SLC24A2: variants seen among roughly 807,000 people sequenced by gnomAD.
SLC24A2 encodes the protein sodium/potassium/calcium exchanger 2.
A neutral mutation model predicts 62.0 loss-of-function variants in SLC24A2; 36 were observed. The ratio of observed to expected loss-of-function variants is 0.58; its 90% CI spans 0.44 to 0.77. The LOEUF (loss-of-function observed/expected upper bound fraction) is 0.77. Among genes scored for constraint, SLC24A2 ranks in the 30% least tolerant of loss-of-function variants. The pLI, the probability that SLC24A2 is intolerant of heterozygous loss-of-function variation, is 0.00. For missense variants in SLC24A2, 846 were observed against 817.9 expected (o/e 1.03, Z -0.42); for synonymous variants, 358 against 294.0 (o/e 1.22, Z -2.23).
At chr9:20,074,596 A>G in the SLC24A2 span, among the ~76,000 whole-genome samples, 1 of 85,772 alleles carries the variant, frequency 1.2e-5, no homozygotes, top group African/African-American at 4.9e-5. Context: ...GAAGGAAGGA[A>G]GGAAGGAAAG....
At chr9:19,528,882 C>G (rs1052430580) in intron 8 of SLC24A2, among the ~76,000 whole-genome samples, 1 of 152,288 alleles carries the variant, frequency 6.6e-6, no homozygotes, top group Admixed American at 6.5e-5. Context: ...ATGTTCAATT[C>G]TGCTTCTAGA....
the SLC24A2 span, among the ~76,000 whole-genome samples, chr9:20,270,297 C>G: frequency 6.6e-6 from 1 of 152,142 alleles, no homozygotes; most frequent in South Asian, 2.1e-4. Context: ...CATAGCACTG[C>G]CCTTCCATAT....
chr9:20,074,020 T>A, the SLC24A2 span, among the ~76,000 whole-genome samples: 7 of 151,380 alleles, frequency 4.6e-5, no homozygotes, highest in Admixed American at 4.6e-4. Context: ...AAAAACAAGT[T>A]GAGAAACTGA....
At chr9:19,689,452 T>C (rs1171604737) in intron 2 of SLC24A2, among the ~76,000 whole-genome samples, 1 of 152,164 alleles carries the variant, frequency 6.6e-6, no homozygotes, top group Non-Finnish European at 1.5e-5. Flanking sequence ...TAAGGAATTA[T>C]TGGGCACTTC....
chr9:20,101,622 C>T, the SLC24A2 span, among the ~76,000 whole-genome samples: 12 of 152,098 alleles, frequency 7.9e-5, no homozygotes, highest in African/African-American at 2.9e-4. Flanking sequence ...AATTTACAAA[C>T]CAAGGAGGCC....
intron 2 of SLC24A2, among the ~76,000 whole-genome samples, chr9:19,651,198 C>T (rs953644649): frequency 3.3e-5 from 5 of 152,154 alleles, no homozygotes; most frequent in African/African-American, 9.7e-5. Context: ...AAGTGGAAAG[C>T]ACGTCAGCAT....
At chr9:20,248,747 A>G in the SLC24A2 span, among the ~76,000 whole-genome samples, 2 of 152,214 alleles carry the variant, frequency 1.3e-5, no homozygotes, top group Non-Finnish European at 2.9e-5. Context: ...TTCATTTTTC[A>G]TCTTATCAGG....
At chr9:19,785,757 T>C (rs1823145261) in intron 2 of SLC24A2, among the ~76,000 whole-genome samples, 180 bp downstream of exon 2, 2 of 152,182 alleles carry the variant, frequency 1.3e-5, no homozygotes, top group African/African-American at 4.8e-5. Flanking sequence ...TCTGCAAGAA[T>C]ACCCCAAAAT....
chr9:19,631,979 C>A (rs1818192284), intron 2 of SLC24A2, among the ~76,000 whole-genome samples: 1 of 152,114 alleles, frequency 6.6e-6, no homozygotes, highest in African/African-American at 2.4e-5. Context: ...GCCCACCATG[C>A]AGTGAAGTGG....
At chr9:19,717,379 T>C (rs1316070683) in intron 2 of SLC24A2, among the ~76,000 whole-genome samples, 5 of 152,188 alleles carry the variant, frequency 3.3e-5, no homozygotes, top group African/African-American at 1.2e-4. Flanking sequence ...TATTTTGAAA[T>C]GGTGATGGAA....
the SLC24A2 span, among the ~76,000 whole-genome samples, chr9:20,151,358 C>T: frequency 4.5e-4 from 69 of 152,022 alleles, no homozygotes; most frequent in African/African-American, 1.6e-3. Flanking sequence ...TGCCGACTTC[C>T]ATAACAACAG....
chr9:20,169,778 C>T, the SLC24A2 span, among the ~76,000 whole-genome samples: 24 of 151,888 alleles, frequency 1.6e-4, no homozygotes, highest in Admixed American at 1.6e-3. Context: ...AGTTCTTTGA[C>T]ACCCCCCCAA....
At chr9:19,574,140 C>G (rs1030359706) in intron 6 of SLC24A2, among the ~76,000 whole-genome samples, 1 of 152,178 alleles carries the variant, frequency 6.6e-6, no homozygotes, top group Non-Finnish European at 1.5e-5. Flanking sequence ...AATTCAGACT[C>G]TGTGAGTGGA....
chr9:19,761,260 A>C (rs1311927531), intron 2 of SLC24A2, among the ~76,000 whole-genome samples: 1 of 151,876 alleles, frequency 6.6e-6, no homozygotes, highest in East Asian at 1.9e-4. Context: ...GGTTGAACTA[A>C]TTTACACTCC....
the SLC24A2 span, among the ~76,000 whole-genome samples, chr9:20,283,753 G>C: frequency 6.1e-5 from 7 of 115,594 alleles, no homozygotes; most frequent in African/African-American, 2.3e-4. Flanking sequence ...AAAAAAAAAG[G>C]GGGGGGGGGG....
the SLC24A2 span, among the ~76,000 whole-genome samples, chr9:20,107,944 C>T: frequency 1.3e-5 from 2 of 152,168 alleles, no homozygotes; most frequent in Non-Finnish European, 2.9e-5. Context: ...GCAACCTACT[C>T]ATCTGACAAA....
the SLC24A2 span, among the ~76,000 whole-genome samples, chr9:20,182,351 T>C: frequency 6.6e-6 from 1 of 152,212 alleles, no homozygotes; most frequent in Non-Finnish European, 1.5e-5. Flanking sequence ...TTTATTGTGG[T>C]ACTATTCACA....
At chr9:19,829,452 T>G in the SLC24A2 span, among the ~76,000 whole-genome samples, 1 of 152,178 alleles carries the variant, frequency 6.6e-6, no homozygotes, top group Non-Finnish European at 1.5e-5. Flanking sequence ...TTGAAAGGCA[T>G]TGACATGGTT....
the SLC24A2 span, among the ~76,000 whole-genome samples, chr9:19,893,845 T>C: frequency 9.4e-3 from 1,434 of 152,264 alleles, 11 homozygotes; most frequent in Non-Finnish European, 0.017. Flanking sequence ...ACCTCATGTT[T>C]CTCTGCCATC....
Sources: allele counts gnomAD v4.1 joint callset (sites outside exome capture counted in the v4.1 genomes callset), GRCh38; gene constraint gnomAD v4.1.1; transcripts MANE v1.5; gene names NCBI Gene and HGNC (gene_info 2026-07-23, HGNC 2026-07-21).